Variants in C1QTNF7 observed in about 807,000 individuals in gnomAD.
C1QTNF7 encodes complement C1q tumor necrosis factor-related protein 7.
A neutral mutation model predicts 19.6 loss-of-function variants in C1QTNF7; 15 were observed. The ratio of observed to expected loss-of-function variants is 0.76; its 90% CI spans 0.51 to 1.18. The LOEUF (loss-of-function observed/expected upper bound fraction) is 1.18, where lower values mean the gene tolerates loss of function less well. Among genes scored for constraint, C1QTNF7 ranks in the 50% most tolerant of loss-of-function variants. The probability of loss-of-function intolerance (pLI) is 0.00; values close to 1 mark genes in which losing one functional copy is unlikely to be tolerated. For synonymous variants in C1QTNF7, 142 were observed against 137.5 expected, an observed-to-expected ratio of 1.03 and a Z score of -0.23; for missense variants, 324 against 359.7, an observed-to-expected ratio of 0.90 and a Z score of 0.80.
intron 1 of C1QTNF7, among the ~76,000 whole-genome samples, chr4:15,366,345 T>A (rs1182532306): frequency 6.6e-6 from 1 of 152,174 alleles, no homozygotes; most frequent in Non-Finnish European, 1.5e-5. Flanking sequence ...AAATGGCACT[T>A]GTAAGTGTAA....
rs146962263 is a variant in C1QTNF7, at chr4:15,369,193, A to C, written c.13+28986A>C. ...AGAAGGGAAAGAAACAAAATATTTTAGCAAAATTTTGAGAGTCTCTGCACA... is the reference window on the plus strand; with the variant it reads ...AGAAGGGAAAGAAACAAAATATTTTCGCAAAATTTTGAGAGTCTCTGCACA... On this transcript the variant is annotated intron_variant, in intron 1 of 2. Coordinates refer to the C1QTNF7 transcript ENST00000295297. 3.3e-3 allele frequency among the ~76,000 whole-genome samples: 500 copies of C among 152,338 alleles called. 9 individuals carry two copies. Among genetic ancestry groups the C allele is most frequent in the Non-Finnish European group, 3.4e-3 (231 of 68,030 alleles).
At chr4:15,392,295 C>A (rs1718587624) in intron 1 of C1QTNF7, among the ~76,000 whole-genome samples, 1 of 152,118 alleles carries the variant, frequency 6.6e-6, no homozygotes, top group Admixed American at 6.6e-5. Flanking sequence ...GTGTATATAT[C>A]TAGGGGGCGC....
intron 1 of C1QTNF7, chr4:15,340,294 C>A (rs1052089314): frequency 5.5e-6 from 8 of 1,457,542 alleles, no homozygotes; most frequent in Non-Finnish European, 7.5e-6. Context: ...CTTAAGAAAG[C>A]TCCTTGTAAA....
intron 1 of C1QTNF7, among the ~76,000 whole-genome samples, chr4:15,376,091 A>T (rs1425101887): frequency 1.3e-5 from 2 of 152,248 alleles, no homozygotes; most frequent in Non-Finnish European, 2.9e-5. Flanking sequence ...CCTAATAAAC[A>T]GATAGTATGT....
intron 1 of C1QTNF7, among the ~76,000 whole-genome samples, chr4:15,356,245 C>T (rs1231089028): frequency 2.0e-5 from 3 of 152,112 alleles, no homozygotes; most frequent in African/African-American, 7.2e-5. Context: ...TGCTATCCCT[C>T]CCCTAGCCCC....
chr4:15,375,398 T>A (rs1717901600), intron 1 of C1QTNF7, among the ~76,000 whole-genome samples: 1 of 152,218 alleles, frequency 6.6e-6, no homozygotes, highest in Non-Finnish European at 1.5e-5. Context: ...CATTGCAATA[T>A]GGAAGCAGAA....
intron 1 of C1QTNF7, among the ~76,000 whole-genome samples, chr4:15,404,045 A>T (rs2108909799): frequency 6.6e-6 from 1 of 152,316 alleles, no homozygotes; most frequent in Non-Finnish European, 1.5e-5. Context: ...AGCTCTTTAC[A>T]ATGAATCTAT....
chr4:15,364,758 T>A (rs1368105998), intron 1 of C1QTNF7, among the ~76,000 whole-genome samples: 2 of 152,164 alleles, frequency 1.3e-5, no homozygotes, highest in African/African-American at 4.8e-5. Flanking sequence ...TGGGCAAGCA[T>A]CATCCCATTG....
At chr4:15,340,961 A>C (rs1266309231) in intron 1 of C1QTNF7, among the ~76,000 whole-genome samples, 2 of 152,166 alleles carry the variant, frequency 1.3e-5, no homozygotes, top group Non-Finnish European at 2.9e-5. Flanking sequence ...TATCTTGTGC[A>C]TTGAGGTGGA....
intron 1 of C1QTNF7, among the ~76,000 whole-genome samples, chr4:15,394,278 C>T (rs997331299): frequency 1.3e-5 from 2 of 152,214 alleles, no homozygotes; most frequent in Non-Finnish European, 2.9e-5. Flanking sequence ...ATTGTATAGG[C>T]TTTGCCAGCC....
At chr4:15,352,317 C>T (rs560383210) in intron 1 of C1QTNF7, among the ~76,000 whole-genome samples, 87 of 152,144 alleles carry the variant, frequency 5.7e-4, no homozygotes, top group Non-Finnish European at 8.4e-4. Context: ...AAATGAGATT[C>T]TGAGAGGTTT....
chr4:15,376,329 C>T (rs546810529), intron 1 of C1QTNF7, among the ~76,000 whole-genome samples: 1 of 152,344 alleles, frequency 6.6e-6, no homozygotes, highest in East Asian at 1.9e-4. Context: ...GAAATATTTA[C>T]TGAGCATTTG....
At chr4:15,350,718 G>C (rs1716906152) in intron 1 of C1QTNF7, among the ~76,000 whole-genome samples, 1 of 152,136 alleles carries the variant, frequency 6.6e-6, no homozygotes, top group Admixed American at 6.6e-5. Flanking sequence ...TTATCAAGCT[G>C]AACCAGAGAG....
At chr4:15,383,592 A>T (rs1007516366) in intron 1 of C1QTNF7, among the ~76,000 whole-genome samples, 23 of 152,262 alleles carry the variant, frequency 1.5e-4, no homozygotes, top group African/African-American at 5.5e-4. Context: ...CCTTAGCCAG[A>T]ACACTGTAGA....
intron 1 of C1QTNF7, among the ~76,000 whole-genome samples, chr4:15,411,187 T>A (rs896813981): frequency 2.6e-5 from 4 of 152,158 alleles, no homozygotes; most frequent in African/African-American, 7.2e-5. Context: ...TTCTTAAATA[T>A]CCTAAACATA....
chr4:15,395,978 T>C (rs1264462513), intron 1 of C1QTNF7, among the ~76,000 whole-genome samples: 3 of 152,186 alleles, frequency 2.0e-5, no homozygotes, highest in African/African-American at 7.2e-5. Context: ...GGGCAGATGC[T>C]AATCTCCAAA....
upstream of C1QTNF7, among the ~76,000 whole-genome samples, chr4:15,424,093 C>A (rs1457167813): frequency 6.6e-6 from 1 of 152,190 alleles, no homozygotes; most frequent in Non-Finnish European, 1.5e-5. Flanking sequence ...TTTATGACAT[C>A]TCAGGCAAAT....
intron 1 of C1QTNF7, among the ~76,000 whole-genome samples, chr4:15,379,779 T>A (rs143000379): frequency 6.6e-6 from 1 of 152,364 alleles, no homozygotes; most frequent in Non-Finnish European, 1.5e-5. Context: ...TTATCATATA[T>A]GTCTGGTATG....
chr4:15,391,658 A>C (rs980154583), intron 1 of C1QTNF7, among the ~76,000 whole-genome samples: 2 of 152,222 alleles, frequency 1.3e-5, no homozygotes, highest in Non-Finnish European at 2.9e-5. Flanking sequence ...AACACTTGTT[A>C]TTAACGTGTT....
Sources: gnomAD v4.1 joint callset for allele counts (sites outside exome capture counted in the v4.1 genomes callset) on GRCh38, gnomAD v4.1.1 for gene constraint, MANE v1.5 for transcripts, NCBI Gene and HGNC (gene_info 2026-07-23, HGNC 2026-07-21) for gene names.